Variants in STX8 observed in about 807,000 individuals in gnomAD.
The protein encoded by STX8 is syntaxin-8.
STX8 carries 23 observed loss-of-function variants against 37.5 expected under a neutral mutation model. The observed-to-expected ratio is 0.61, with a 90% CI of 0.44 to 0.87. The LOEUF (loss-of-function observed/expected upper bound fraction) is 0.87. Ranked by LOEUF, STX8 falls within the 40% of genes least tolerant of loss-of-function variation. The pLI, the probability that STX8 is intolerant of heterozygous loss-of-function variation, is 0.00. For missense variants in STX8, 313 were observed against 284.7 expected, an observed-to-expected ratio of 1.10 and a Z score of -0.71; for synonymous variants, 115 against 99.1, an observed-to-expected ratio of 1.16 and a Z score of -0.95.
intron 6 of STX8, among the ~76,000 whole-genome samples, chr17:9,458,308 C>T (rs1157336675): frequency 3.3e-5 from 5 of 150,892 alleles, no homozygotes; most frequent in South Asian, 2.1e-4. Context: ...CACTGCCACG[C>T]CTGGCTAATT....
At position 9,396,865 on chromosome 17, in the gene STX8, A is replaced by G. The variant is rs913551024; in HGVS notation, c.542-18212T>C. On this transcript the variant is annotated intron_variant, in intron 6 of 7. Transcript: ENST00000306357. ...ATTTAGAAGACTGGAGATTCCAGCA[A>G]TAAATGCAGACTGTGATAAGGGCAT... Among the ~76,000 whole-genome samples the G allele has an allele frequency of 2.6e-5, 4 of 152,232 alleles. No individual in the cohort carries two copies. The South Asian group carries it at 8.3e-4, about 32-fold the overall frequency.
chr17:9,313,898 G>A (rs1174029421), intron 7 of STX8, among the ~76,000 whole-genome samples: 2 of 152,124 alleles, frequency 1.3e-5, no homozygotes, highest in Non-Finnish European at 2.9e-5. Context: ...CTAAAGTGCT[G>A]GGATTACAGG....
At chr17:9,380,965 T>A (rs1403430288) in intron 6 of STX8, among the ~76,000 whole-genome samples, 2 of 152,092 alleles carry the variant, frequency 1.3e-5, no homozygotes, top group East Asian at 3.9e-4. Context: ...TCCACCCACC[T>A]CGACCTCCCA....
intron 4 of STX8, among the ~76,000 whole-genome samples, chr17:9,530,137 T>C (rs572747272): frequency 1.1e-4 from 16 of 151,754 alleles, no homozygotes; most frequent in Non-Finnish European, 2.4e-4. Context: ...GAAACCCCGT[T>C]TCTACTAAAA....
chr17:9,460,655 A>G (rs922819873), intron 6 of STX8, among the ~76,000 whole-genome samples: 5 of 142,190 alleles, frequency 3.5e-5, no homozygotes. Flanking sequence ...CCTGGGAGAC[A>G]AGAGTGAGAC....
At chr17:9,409,690 T>A (rs114014800) in intron 6 of STX8, among the ~76,000 whole-genome samples, 2 of 152,128 alleles carry the variant, frequency 1.3e-5, no homozygotes, top group Non-Finnish European at 2.9e-5. Flanking sequence ...CTCCTAGTAA[T>A]GTAATGCAGG....
At chr17:9,385,375 A>C (rs956693267) in intron 6 of STX8, among the ~76,000 whole-genome samples, 13 of 152,214 alleles carry the variant, frequency 8.5e-5, no homozygotes, top group African/African-American at 3.1e-4. Context: ...AAAATTAATA[A>C]ATAAGCCACA....
chr17:9,349,316 CTTTTTTT>C lies in STX8; in HGVS notation c.643+29229_643+29235del, dbSNP rs61627405. ...CCGGCCGATAAATTTATTTTCTTTT[CTTTTTTT>C]TTTTTTTTTTTTTTGAAACAGAGTT... On this transcript the variant is annotated intron_variant, in intron 7 of 7. Coordinates refer to ENST00000306357, the MANE Select transcript of STX8 (RefSeq NM_004853.3). Among the ~76,000 whole-genome samples the C allele has an allele frequency of 3.6e-3, 398 of 109,768 alleles. 2 individuals carry two copies. Among genetic ancestry groups the C allele is most frequent in the African/African-American group, 0.012 (345 of 27,782 alleles). The allele number at this position is 109,768 out of a possible 152,430, so 72.0% of individuals were successfully genotyped here. A position where few individuals can be genotyped will look rare whatever the true frequency, so the allele number is the denominator to read the frequency against.
In STX8 at chr17:9,430,302, C is replaced by T. The variant is rs562357825; in HGVS notation, c.542-51649G>A. Among the ~76,000 whole-genome samples the T allele has an allele frequency of 4.8e-5, 7 of 145,602 alleles. No homozygotes were observed. The East Asian group carries it at 1.4e-3, about 29-fold the overall frequency. The stretch of plus-strand genomic sequence containing the variant: ...TAATTACACTAACAGTGTGGTATAA[C>T]CACCACCACTTATCTATTTCCAAAA... On this transcript the variant is annotated intron_variant, in intron 6 of 7. Coordinates refer to ENST00000306357, the MANE Select transcript of STX8 (RefSeq NM_004853.3).
At chr17:9,499,848 A>C (rs774099492) in intron 5 of STX8, among the ~76,000 whole-genome samples, 1 of 152,216 alleles carries the variant, frequency 6.6e-6, no homozygotes, top group Non-Finnish European at 1.5e-5. Context: ...TCTGTTTTGG[A>C]GACTGTGACA....
chr17:9,337,646 C>T (rs1211708918), intron 7 of STX8, among the ~76,000 whole-genome samples: 1 of 152,162 alleles, frequency 6.6e-6, no homozygotes, highest in East Asian at 1.9e-4. Context: ...GGATTACAGG[C>T]GTAAGCCACT....
intron 7 of STX8, among the ~76,000 whole-genome samples, chr17:9,332,845 A>AC (rs1910007571): frequency 6.6e-6 from 1 of 152,104 alleles, no homozygotes; most frequent in Non-Finnish European, 1.5e-5. Context: ...ATCCTACCTC[A>AC]CCCAACACAG....
intron 7 of STX8, among the ~76,000 whole-genome samples, chr17:9,298,012 T>TA (rs1908629126): frequency 6.6e-6 from 1 of 152,150 alleles, no homozygotes; most frequent in African/African-American, 2.4e-5. Context: ...ACCTGATGGG[T>TA]AAAAAGAAGT....
chr17:9,311,336 G>T (rs1002000700), intron 7 of STX8, among the ~76,000 whole-genome samples: 1 of 151,902 alleles, frequency 6.6e-6, no homozygotes, highest in Non-Finnish European at 1.5e-5. Context: ...GCAATGGAAT[G>T]ATATGTATTT....
At chr17:9,433,360 T>G (rs1914042676) in intron 6 of STX8, among the ~76,000 whole-genome samples, 1 of 152,234 alleles carries the variant, frequency 6.6e-6, no homozygotes, top group African/African-American at 2.4e-5. Flanking sequence ...TCGTGAGCAC[T>G]TGCATTGCAC....
chr17:9,261,061 A>T (rs1907008331), intron 7 of STX8, among the ~76,000 whole-genome samples: 3 of 152,256 alleles, frequency 2.0e-5, no homozygotes, highest in African/African-American at 7.2e-5. Flanking sequence ...GGAAATTAAA[A>T]GGAATGAAGA....
intron 5 of STX8, among the ~76,000 whole-genome samples, chr17:9,500,944 G>T (rs1024493519): frequency 3.9e-5 from 6 of 152,178 alleles, no homozygotes; most frequent in African/African-American, 1.4e-4. Context: ...GGCAGAGCTT[G>T]CAGGGAGCCA....
At chr17:9,482,677 G>T (rs1282058669) in intron 6 of STX8, among the ~76,000 whole-genome samples, 1 of 152,118 alleles carries the variant, frequency 6.6e-6, no homozygotes, top group Non-Finnish European at 1.5e-5. Flanking sequence ...ACTTTGGGAG[G>T]CCACAGCAGG....
intron 7 of STX8, among the ~76,000 whole-genome samples, chr17:9,289,448 G>C (rs1212437478): frequency 1.3e-5 from 2 of 152,042 alleles, no homozygotes; most frequent in African/African-American, 4.8e-5. Context: ...GACTCCAGGA[G>C]AGCTGACCCC....
Sources: allele counts gnomAD v4.1 joint callset (sites outside exome capture counted in the v4.1 genomes callset), GRCh38; gene constraint gnomAD v4.1.1; transcripts MANE v1.5; gene names NCBI Gene and HGNC (gene_info 2026-07-23, HGNC 2026-07-21).